Variants in LONRF1 observed in about 807,000 individuals in gnomAD.
LONRF1 encodes the protein LON peptidase N-terminal domain and RING finger protein 1.
A neutral mutation model predicts 85.8 loss-of-function variants in LONRF1; 37 were observed. The observed-to-expected ratio is 0.43, with a 90% CI of 0.33 to 0.57. The LOEUF (loss-of-function observed/expected upper bound fraction) is 0.57, where lower values mean the gene tolerates loss of function less well. Among genes scored for constraint, LONRF1 ranks in the 20% least tolerant of loss-of-function variants. LONRF1 has a pLI of 0.04. For synonymous variants in LONRF1, 517 were observed against 390.1 expected, an observed-to-expected ratio of 1.33 and a Z score of -3.83; for missense variants, 1,036 against 978.0, an observed-to-expected ratio of 1.06 and a Z score of -0.79.
intron 1 of LONRF1, among the ~76,000 whole-genome samples, chr8:12,746,147 G>C (rs575587383): frequency 6.6e-6 from 1 of 152,108 alleles, no homozygotes; most frequent in African/African-American, 2.4e-5. Context: ...AGTAATCCTG[G>C]GTTAGGCTCC....
intron 3 of LONRF1, among the ~76,000 whole-genome samples, chr8:12,739,569 A>G (rs188195619): frequency 6.6e-6 from 1 of 152,296 alleles, no homozygotes; most frequent in East Asian, 1.9e-4. Flanking sequence ...ACAGGTACAT[A>G]CATTTTTCAA....
chr8:12,733,142 G>C (rs1308838248), intron 7 of LONRF1, among the ~76,000 whole-genome samples: 1 of 152,120 alleles, frequency 6.6e-6, no homozygotes, highest in East Asian at 1.9e-4. Context: ...TGCTGGTCAG[G>C]GGAGCATGGG....
intron 3 of LONRF1, among the ~76,000 whole-genome samples, chr8:12,740,187 C>A (rs1225755589): frequency 1.3e-5 from 2 of 152,104 alleles, no homozygotes; most frequent in African/African-American, 4.8e-5. Context: ...ATGACTGGGA[C>A]CCTGAATTTG....
intron 1 of LONRF1, among the ~76,000 whole-genome samples, chr8:12,750,930 A>G (rs944624681): frequency 5.9e-5 from 9 of 152,138 alleles, no homozygotes; most frequent in African/African-American, 1.7e-4. Context: ...CTGGGCATTT[A>G]CTCTGTGTCA....
intron 1 of LONRF1, among the ~76,000 whole-genome samples, chr8:12,743,569 T>C (rs1269469608): frequency 1.3e-5 from 2 of 151,876 alleles, no homozygotes; most frequent in Non-Finnish European, 2.9e-5. Context: ...TAAGAAAACT[T>C]TTTTTTTAAC....
chr8:12,753,284 C>CTTG (rs1799483722), intron 1 of LONRF1: 1 of 152,188 alleles, frequency 6.6e-6, no homozygotes, highest in South Asian at 2.1e-4. Flanking sequence ...TGACTAAGCA[C>CTTG]TTGGGACAAA....
intron 6 of LONRF1, 102 bp from the exon 7 acceptor site, chr8:12,735,502 A>G: frequency 1.3e-6 from 1 of 742,370 alleles, no homozygotes. Flanking sequence ...TAAAGGAGGA[A>G]GAAGGAGGGC....
intron 1 of LONRF1, among the ~76,000 whole-genome samples, chr8:12,744,397 C>T (rs191464956): frequency 1.4e-3 from 215 of 152,044 alleles, no homozygotes; most frequent in Non-Finnish European, 2.2e-3. Context: ...AAATGTTTTA[C>T]TTGTTAAAAA....
chr8:12,754,783 C>T lies in LONRF1; in HGVS notation c.638G>A (p.Arg213Gln), dbSNP rs1452515240. ...TAGCTCCCCGAGCCTGCCGGCCGCC[C>T]GGGCCCGCTCGCGCTGGCCCGGAAA... ...KWFPGQRERA[R>Q]AAGRLGELLH... Residue 213 changes from arginine to glutamine, a missense_variant, in exon 1 of 12, where the codon CGG becomes CAG. Transcript: ENST00000398246. The T allele has an allele frequency of 6.7e-7, 1 of 1,482,638 alleles. No homozygotes were observed. The highest frequency in any genetic ancestry group is 2.3e-5 in the Admixed American group (1 of 43,296). 91.8% of individuals were successfully genotyped at this position (1,482,638 alleles called of 1,614,324 possible). A position where few individuals can be genotyped will look rare whatever the true frequency, so the allele number is the denominator to read the frequency against.
Position 12,755,363 on chromosome 8 carries a change from C to G in LONRF1, c.58G>C (p.Ala20Pro), listed in dbSNP as rs866560795. Residue 20 changes from alanine to proline, a missense_variant, in exon 1 of 12, where the codon GCG becomes CCG. This residue lies in a region of LONRF1 where 742 missense variants were observed against 614.4 expected (regional missense o/e 1.21). Coordinates refer to ENST00000398246, the MANE Select transcript of LONRF1 (RefSeq NM_152271.5). ...CAGAACCGGCCTCGGCCCTGCGGCG[C>G]TGGGGCCATCTCCCGACTCCCTCCT... ...SPGGSREMAP[A>P]PQGRGRFWEV... is the part of the protein sequence containing the mutation. 2 of 1,212,110 alleles carry G rather than the reference C, an allele frequency of 1.7e-6. No individual in the cohort carries two copies. The highest frequency in any genetic ancestry group is 3.7e-5 in the East Asian group (1 of 27,092). The allele number at this position is 1,212,110 out of a possible 1,614,324, so 75.1% of individuals were successfully genotyped here. A position where few individuals can be genotyped will look rare whatever the true frequency, so the allele number is the denominator to read the frequency against.
chr8:12,725,888 AC>A lies in LONRF1; in HGVS notation c.2011-10del. 12 of 1,603,396 alleles carry A rather than the reference AC, an allele frequency of 7.5e-6. No homozygotes were observed. The highest frequency in any genetic ancestry group is 9.4e-6 in the Non-Finnish European group (11 of 1,174,068). On this transcript the variant is annotated splice_polypyrimidine_tract_variant and intron_variant, in intron 10 of 11. Transcript: ENST00000398246. The stretch of plus-strand genomic sequence containing the variant: ...TCATCTTCATTCTCAACCTAGAAAT[AC>A]AATAGTCAGTAAGACTTCTGTGTCT...
chr8:12,739,991 A>G (rs1234720120), intron 3 of LONRF1, among the ~76,000 whole-genome samples: 1 of 152,178 alleles, frequency 6.6e-6, no homozygotes, highest in African/African-American at 2.4e-5. Context: ...GGGTACAAAA[A>G]CATCTCCTGG....
chr8:12,755,107 C>T lies in LONRF1; in HGVS notation c.314G>A (p.Trp105Ter). Residue 105 changes from tryptophan to a stop codon, truncating the protein, a stop_gained, in exon 1 of 12, where the codon TGG becomes TAG. Coordinates refer to ENST00000398246, the MANE Select transcript of LONRF1 (RefSeq NM_152271.5). LOFTEE classifies it high-confidence loss of function. ...FNYRLRHGLG[W>*]SAAPVAGADG... ...AGCGCCTGCAACCGGGGCCGCGCTCCAGCCCAGCCCGTGGCGGAGCCGGTA... is the reference window on the plus strand; with the variant it reads ...AGCGCCTGCAACCGGGGCCGCGCTCTAGCCCAGCCCGTGGCGGAGCCGGTA... The T allele has an allele frequency of 6.8e-7, 1 of 1,462,764 alleles. No individual in the cohort carries two copies. Among genetic ancestry groups the T allele is most frequent in the Non-Finnish European group, 9.0e-7 (1 of 1,111,914 alleles). The allele number at this position is 1,462,764 out of a possible 1,614,324, so 90.6% of individuals were successfully genotyped here.
intron 1 of LONRF1, among the ~76,000 whole-genome samples, chr8:12,748,286 C>G (rs1467693147): frequency 6.6e-6 from 1 of 152,160 alleles, no homozygotes; most frequent in Admixed American, 6.5e-5. Context: ...CTCACCGCAG[C>G]CTCGACCTCC....
At chr8:12,731,233 T>C (rs371064655) in intron 8 of LONRF1, among the ~76,000 whole-genome samples, 1 of 152,042 alleles carries the variant, frequency 6.6e-6, no homozygotes, top group Non-Finnish European at 1.5e-5. Context: ...ACCAACTCAG[T>C]TGTGCTCCCA....
At chr8:12,731,903 G>A in intron 7 of LONRF1, 46 bp from the exon 8 acceptor site, 1 of 1,569,784 alleles carries the variant, frequency 6.4e-7, no homozygotes. Context: ...TTTTCCTACA[G>A]TATAAAACAG....
chr8:12,745,820 T>A (rs1487901963), intron 1 of LONRF1, among the ~76,000 whole-genome samples: 1 of 152,234 alleles, frequency 6.6e-6, no homozygotes, highest in Non-Finnish European at 1.5e-5. Flanking sequence ...GGTACTTAAC[T>A]CTGTGACCTT....
intron 1 of LONRF1, among the ~76,000 whole-genome samples, chr8:12,750,549 C>G (rs374530661): frequency 5.9e-4 from 90 of 152,160 alleles, no homozygotes; most frequent in African/African-American, 2.1e-3. Flanking sequence ...CATACTGTAC[C>G]ATGTGGGTAA....
chr8:12,752,855 A>G (rs1050732582), intron 1 of LONRF1, among the ~76,000 whole-genome samples: 3 of 152,234 alleles, frequency 2.0e-5, no homozygotes, highest in Non-Finnish European at 4.4e-5. Context: ...TCAGTGACCA[A>G]AAAAACTTCC....
Sources: gnomAD v4.1 joint callset for allele counts (sites outside exome capture counted in the v4.1 genomes callset) on GRCh38, gnomAD v4.1.1 for gene constraint, gnomAD v4.1.1 regional missense constraint, MANE v1.5 for transcripts, NCBI Gene and HGNC (gene_info 2026-07-23, HGNC 2026-07-21) for gene names.